The following GPC6 variants were observed in gnomAD, a reference collection of about 807,000 sequenced individuals.
The protein encoded by GPC6 is glypican 6, also known as glypican-6.
GPC6 carries 14 observed loss-of-function variants against 55.2 expected under a neutral mutation model. That is an observed-to-expected ratio of 0.25 (90% confidence interval 0.17 to 0.40). The LOEUF (loss-of-function observed/expected upper bound fraction) is 0.40, where lower values mean the gene tolerates loss of function less well. Ranked by LOEUF, GPC6 falls within the 10% of genes least tolerant of loss-of-function variation. The probability of loss-of-function intolerance (pLI) is 1.00; values close to 1 mark genes in which losing one functional copy is unlikely to be tolerated. For missense variants in GPC6, 641 were observed against 708.5 expected, an observed-to-expected ratio of 0.90 and a Z score of 1.08; for synonymous variants, 278 against 259.6, an observed-to-expected ratio of 1.07 and a Z score of -0.68.
chr13:93,279,244 A>C (rs1220762467), intron 1 of GPC6, among the ~76,000 whole-genome samples: 2 of 152,148 alleles, frequency 1.3e-5, no homozygotes, highest in East Asian at 1.9e-4. Context: ...TTTTGGGAGG[A>C]GCCTGAAGGA....
chr13:93,474,841 A>T (rs1160843413), intron 1 of GPC6, among the ~76,000 whole-genome samples: 1 of 152,130 alleles, frequency 6.6e-6, no homozygotes, highest in Non-Finnish European at 1.5e-5. Flanking sequence ...AGTAATTATA[A>T]TGCTATTGTT....
intron 2 of GPC6, among the ~76,000 whole-genome samples, chr13:93,769,502 C>T (rs1885224159): frequency 6.6e-6 from 1 of 151,982 alleles, no homozygotes; most frequent in Non-Finnish European, 1.5e-5. Flanking sequence ...GGGAGGATCA[C>T]CTTTCTCCAC....
chr13:94,240,594 G>C (rs1002860835), intron 4 of GPC6, among the ~76,000 whole-genome samples: 5 of 151,778 alleles, frequency 3.3e-5, no homozygotes, highest in Admixed American at 1.3e-4. Context: ...TCCTCTTGGA[G>C]TAGATATTCC....
intron 1 of GPC6, among the ~76,000 whole-genome samples, chr13:93,357,290 T>G (rs1323975): frequency 1.3e-5 from 2 of 152,004 alleles, no homozygotes; most frequent in Non-Finnish European, 2.9e-5. Flanking sequence ...ATTGGTGAAT[T>G]AAATTGTTCA....
chr13:94,237,764 A>G (rs1890923652), intron 4 of GPC6, among the ~76,000 whole-genome samples: 4 of 152,180 alleles, frequency 2.6e-5, no homozygotes, highest in Admixed American at 2.0e-4. Flanking sequence ...TTTGTAAGCC[A>G]GCAGGATTTG....
intron 3 of GPC6, among the ~76,000 whole-genome samples, chr13:93,997,231 G>T (rs879391613): frequency 1.5e-4 from 23 of 152,130 alleles, no homozygotes; most frequent in South Asian, 6.2e-4. Context: ...AAATGCCATA[G>T]GAGACATCAC....
chr13:93,298,705 C>T (rs1003716721), intron 1 of GPC6, among the ~76,000 whole-genome samples: 1 of 152,016 alleles, frequency 6.6e-6, no homozygotes, highest in Admixed American at 6.6e-5. Flanking sequence ...GCCTCAGCCT[C>T]CCAAAGTGCT....
intron 2 of GPC6, among the ~76,000 whole-genome samples, chr13:93,592,479 G>A (rs1309057065): frequency 6.7e-6 from 1 of 149,848 alleles, no homozygotes; most frequent in Admixed American, 6.7e-5. Context: ...TCAATCTTCT[G>A]ACCTAGTGAT....
In GPC6 at chr13:93,922,446, A is replaced by G. The variant is rs115962827; in HGVS notation, c.711+91901A>G. Among the ~76,000 whole-genome samples the G allele has an allele frequency of 3.5e-3, 535 of 152,322 alleles. 4 individuals are homozygous for G. Among genetic ancestry groups the G allele is most frequent in the African/African-American group, 0.013 (520 of 41,570 alleles). On this transcript the variant is annotated intron_variant, in intron 3 of 8. Transcript: ENST00000377047. The stretch of plus-strand genomic sequence containing the variant: ...TTCCTTCTTCATATTAAATAATTAT[A>G]CTACATATCTAAATCGGGATTTCTC...
Position 94,142,677 on chromosome 13 carries a change from C to T in GPC6, c.877+114783C>T, listed in dbSNP as rs181041766. Among the ~76,000 whole-genome samples the T allele has an allele frequency of 1.3e-3, 198 of 152,076 alleles. 2 individuals are homozygous for T. Among genetic ancestry groups the T allele is most frequent in the African/African-American group, 4.1e-3 (169 of 41,496 alleles). On this transcript the variant is annotated intron_variant, in intron 4 of 8. Coordinates refer to ENST00000377047, the MANE Select transcript of GPC6 (RefSeq NM_005708.5). ...AACCGGGTGTTGTCTTGCTTTTCCT[C>T]CCATACTTAGCTTACAGAATATTAT...
At chr13:93,479,358 T>C (rs1459876137) in intron 1 of GPC6, among the ~76,000 whole-genome samples, 2 of 152,070 alleles carry the variant, frequency 1.3e-5, no homozygotes, top group East Asian at 3.9e-4. Flanking sequence ...CTGAGCAACA[T>C]CAAGCACGAT....
At chr13:93,437,049 GGTGATCTTTGATCA>G (rs1361340529) in intron 1 of GPC6, among the ~76,000 whole-genome samples, 1 of 151,576 alleles carries the variant, frequency 6.6e-6, no homozygotes, top group African/African-American at 2.4e-5. Flanking sequence ...TATCTGTTTT[GGTGATCTTTGATCA>G]GTGATCTTTG....
chr13:94,110,583 A>T (rs1448127268), intron 4 of GPC6, among the ~76,000 whole-genome samples: 2 of 151,976 alleles, frequency 1.3e-5, no homozygotes, highest in Admixed American at 1.3e-4. Flanking sequence ...AACAGAGGAG[A>T]TTTTTGAGGT....
At chr13:93,893,820 T>C (rs1875833846) in intron 3 of GPC6, among the ~76,000 whole-genome samples, 1 of 152,200 alleles carries the variant, frequency 6.6e-6, no homozygotes, top group South Asian at 2.1e-4. Flanking sequence ...ATTAATTTTT[T>C]TCATCTTTCA....
rs147333021 is a variant in GPC6 at position 94,357,672 on chromosome 13, G to T, written c.1153-24742G>T. 3.7e-3 allele frequency among the ~76,000 whole-genome samples: 562 copies of T among 152,280 alleles called. 7 individuals carry two copies. The highest frequency in any genetic ancestry group is 0.013 in the African/African-American group (536 of 41,532). ...ATTTTCACTGGTCCTGAGTTAACCTGTTATGCCCTATCCCCTTTACTGTGG... is the reference window on the plus strand; with the variant it reads ...ATTTTCACTGGTCCTGAGTTAACCTTTTATGCCCTATCCCCTTTACTGTGG... On this transcript the variant is annotated intron_variant, in intron 6 of 8. Coordinates refer to ENST00000377047, the MANE Select transcript of GPC6 (RefSeq NM_005708.5).
chr13:93,857,300 A>G (rs931416492), intron 3 of GPC6, among the ~76,000 whole-genome samples: 1 of 151,564 alleles, frequency 6.6e-6, no homozygotes, highest in African/African-American at 2.4e-5. Context: ...ATGACAAACC[A>G]TAAAAATATC....
At chr13:94,341,088 C>T (rs1351619198) in intron 6 of GPC6, among the ~76,000 whole-genome samples, 2 of 152,120 alleles carry the variant, frequency 1.3e-5, no homozygotes, top group Admixed American at 1.3e-4. Context: ...TATTGAACGA[C>T]AAGATAAAAT....
chr13:93,395,530 G>C (rs1390079307), intron 1 of GPC6: 1 of 176,576 alleles, frequency 5.7e-6, no homozygotes. Flanking sequence ...TGTTTTCTTT[G>C]ATGCCACCAA....
At chr13:93,777,663 G>A (rs144737418) in intron 2 of GPC6, among the ~76,000 whole-genome samples, 318 of 152,220 alleles carry the variant, frequency 2.1e-3, no homozygotes, top group African/African-American at 7.0e-3. Context: ...ATAGGTTTAC[G>A]TGAATACATT....
Sources: gnomAD v4.1 joint callset for allele counts (sites outside exome capture counted in the v4.1 genomes callset) on GRCh38, gnomAD v4.1.1 for gene constraint, MANE v1.5 for transcripts, NCBI Gene and HGNC (gene_info 2026-07-23, HGNC 2026-07-21) for gene names.